CR1L: variants seen among roughly 807,000 people sequenced by gnomAD.
CR1L encodes complement C3b/C4b receptor 1 like.
A neutral mutation model predicts 62.3 loss-of-function variants in CR1L; 59 were observed. The ratio of observed to expected loss-of-function variants is 0.95; its 90% CI spans 0.77 to 1.18. The LOEUF is 1.18. Ranked by LOEUF, CR1L falls within the 50% of genes most tolerant of loss-of-function variation. CR1L has a pLI of 0.00. For synonymous variants in CR1L, 279 were observed against 248.7 expected (o/e 1.12, Z -1.15); for missense variants, 700 against 702.8 (o/e 1.00, Z 0.04).
Position 207,717,432 on chromosome 1 carries a change from A to G in CR1L, c.1415-32A>G, listed in dbSNP as rs138836356. ...TTCAGTCATCTTAAGTGAAACTCTAATAGAACTTAAAAGCTCTTGTTTTCT... is the reference window on the plus strand; with the variant it reads ...TTCAGTCATCTTAAGTGAAACTCTAGTAGAACTTAAAAGCTCTTGTTTTCT... On this transcript the variant is annotated intron_variant, in intron 10 of 11. Coordinates refer to ENST00000508064, the MANE Select transcript of CR1L (RefSeq NM_175710.2). 430 of 1,604,356 alleles carry G rather than the reference A, an allele frequency of 2.7e-4. No individual in the cohort carries two copies. In the African/African-American group the frequency reaches 5.2e-3, roughly 19 times the overall value.
At position 207,717,571 on chromosome 1, in the gene CR1L, C is replaced by T; in HGVS notation, c.1522C>T (p.Pro508Ser). 2 of 1,613,910 alleles carry T rather than the reference C, an allele frequency of 1.2e-6. No individual in the cohort carries two copies. Among genetic ancestry groups the T allele is most frequent in the Non-Finnish European group, 1.7e-6 (2 of 1,179,846 alleles). The part of the protein sequence containing the change: ...KEVSYTCDPH[P>S]DRGMTFNLIG... ...AGTATCTTACACATGTGACCCCCACCCAGACAGAGGGATGACCTTCAACCT... is the reference window on the plus strand; with the variant it reads ...AGTATCTTACACATGTGACCCCCACTCAGACAGAGGGATGACCTTCAACCT... The change falls in exon 11 of 12, where the codon CCA becomes TCA. Residue 508 changes from proline to serine, a missense_variant. Coordinates refer to ENST00000508064, the MANE Select transcript of CR1L (RefSeq NM_175710.2).
intron 9 of CR1L, among the ~76,000 whole-genome samples, chr1:207,703,005 A>G (rs1349969592): frequency 1.3e-5 from 2 of 152,100 alleles, no homozygotes; most frequent in Non-Finnish European, 2.9e-5. Flanking sequence ...AATAACTTGA[A>G]CCCGGGAAGC....
chr1:207,684,828 G>A (rs76844119), intron 4 of CR1L, among the ~76,000 whole-genome samples: 5,857 of 152,246 alleles, frequency 0.038, 182 homozygotes, highest in South Asian at 0.12. Context: ...GAAATGCAGT[G>A]TATAACATCT....
chr1:207,645,694 G>C lies in CR1L; in HGVS notation c.97+364G>C, dbSNP rs553935356. Among the ~76,000 whole-genome samples, 17 of 152,326 alleles carry C rather than the reference G, an allele frequency of 1.1e-4. No individual in the cohort carries two copies. In the South Asian group the frequency reaches 1.2e-3, roughly 11 times the overall value. ...GAGTGCACAGGTGCGTGGGATTGTT[G>C]CTAGAGCCCGTGCTGTGCCCGTGGT... On this transcript the variant is annotated intron_variant, in intron 1 of 11. Transcript: ENST00000508064.
chr1:207,715,488 C>A, intron 10 of CR1L: 1 of 747,470 alleles, frequency 1.3e-6, no homozygotes, highest in Non-Finnish European at 2.2e-6. Flanking sequence ...TGGATCTTTA[C>A]TTAACTAAAT....
chr1:207,645,700 G>A (rs1663111374), intron 1 of CR1L, among the ~76,000 whole-genome samples: 2 of 152,206 alleles, frequency 1.3e-5, no homozygotes. Flanking sequence ...TGTTGCTAGA[G>A]CCCGTGCTGT....
chr1:207,712,285 T>A (rs1229785280), intron 10 of CR1L, among the ~76,000 whole-genome samples: 1 of 152,124 alleles, frequency 6.6e-6, no homozygotes, highest in Non-Finnish European at 1.5e-5. Context: ...TACAAATACC[T>A]CCCTAGGAAA....
At chr1:207,680,220 T>C (rs1663774028) in intron 3 of CR1L, among the ~76,000 whole-genome samples, 1 of 152,236 alleles carries the variant, frequency 6.6e-6, no homozygotes, top group Non-Finnish European at 1.5e-5. Flanking sequence ...AGGGAGTATA[T>C]AGGAAATCTC....
chr1:207,680,344 C>T (rs967633268), intron 3 of CR1L, among the ~76,000 whole-genome samples: 9 of 152,116 alleles, frequency 5.9e-5, no homozygotes, highest in South Asian at 2.1e-4. Context: ...TAAACAGACA[C>T]GCACACAGTC....
At chr1:207,678,327 C>G (rs1253675302) in intron 3 of CR1L, 30 bp downstream of exon 3, 11 of 1,570,888 alleles carry the variant, frequency 7.0e-6, no homozygotes, top group Non-Finnish European at 8.8e-6. Flanking sequence ...ACCAACATCT[C>G]TTGGTTCAAG....
chr1:207,661,561 C>T (rs953602975), intron 1 of CR1L, among the ~76,000 whole-genome samples: 1 of 152,122 alleles, frequency 6.6e-6, no homozygotes, highest in Non-Finnish European at 1.5e-5. Flanking sequence ...GATGGGTTTC[C>T]TGAAAACAGC....
intron 5 of CR1L, among the ~76,000 whole-genome samples, chr1:207,696,456 A>G (rs937056643): frequency 3.9e-5 from 6 of 152,244 alleles, no homozygotes; most frequent in African/African-American, 1.2e-4. Context: ...CATTGCTAGC[A>G]GCCAAAAGAC....
chr1:207,690,850 TCTC>T (rs1558019914), intron 4 of CR1L, among the ~76,000 whole-genome samples: 4 of 152,184 alleles, frequency 2.6e-5, no homozygotes, highest in Admixed American at 2.6e-4. Context: ...CAAGTCGCCT[TCTC>T]CTCTGTGTGT....
At chr1:207,646,066 C>T (rs1056686698) in intron 1 of CR1L, among the ~76,000 whole-genome samples, 2 of 151,192 alleles carry the variant, frequency 1.3e-5, no homozygotes, top group Admixed American at 1.3e-4. Context: ...CTTCTGTGAA[C>T]AGTGTCCGTG....
At chr1:207,680,008 T>A (rs1349503359) in intron 3 of CR1L, among the ~76,000 whole-genome samples, 1 of 152,230 alleles carries the variant, frequency 6.6e-6, no homozygotes, top group Non-Finnish European at 1.5e-5. Flanking sequence ...GAAACTACTC[T>A]GTATGATGCC....
At chr1:207,688,678 A>G (rs1250246356) in intron 4 of CR1L, among the ~76,000 whole-genome samples, 1 of 152,182 alleles carries the variant, frequency 6.6e-6, no homozygotes, top group East Asian at 1.9e-4. Flanking sequence ...AGACATTAAC[A>G]AATTTAGTTT....
Position 207,708,163 on chromosome 1 carries a change from A to AT in CR1L, c.1329-9dup. 6.2e-7 allele frequency: 1 copy of AT among 1,610,372 alleles called. No individual in the cohort carries two copies. The highest frequency in any genetic ancestry group is 2.2e-5 in the East Asian group (1 of 44,792). ...GGTATGTACAGCACAATTATTTTCC[A>AT]TTTTTTGCCTTTAGGCACCGACTCA... On this transcript the variant is annotated splice_polypyrimidine_tract_variant and intron_variant, in intron 9 of 11. Coordinates refer to ENST00000508064, the MANE Select transcript of CR1L (RefSeq NM_175710.2).
intron 4 of CR1L, among the ~76,000 whole-genome samples, chr1:207,688,146 A>G (rs939771167): frequency 6.6e-6 from 1 of 152,166 alleles, no homozygotes; most frequent in Admixed American, 6.5e-5. Flanking sequence ...TCAGTGGCAC[A>G]TGCCTGTAAG....
intron 7 of CR1L, among the ~76,000 whole-genome samples, chr1:207,698,643 C>T (rs1219228910): frequency 6.6e-6 from 1 of 152,064 alleles, no homozygotes; most frequent in East Asian, 1.9e-4. Flanking sequence ...TCAACAATTG[C>T]GTACAAAAAT....
Sources: allele counts gnomAD v4.1 joint callset (sites outside exome capture counted in the v4.1 genomes callset), GRCh38; gene constraint gnomAD v4.1.1; transcripts MANE v1.5; gene names NCBI Gene and HGNC (gene_info 2026-07-23, HGNC 2026-07-21).